The following EML4 variants were observed in gnomAD, a reference collection of about 807,000 sequenced individuals.
EML4 encodes the protein EMAP like 4, also known as echinoderm microtubule-associated protein-like 4.
EML4 carries 72 observed loss-of-function variants against 129.0 expected under a neutral mutation model. That is an observed-to-expected ratio of 0.56 (90% CI 0.46 to 0.68). The LOEUF is 0.68. Ranked by LOEUF, EML4 falls within the 30% of genes least tolerant of loss-of-function variation. The pLI is 0.00. For synonymous variants in EML4, 532 were observed against 405.0 expected (o/e 1.31, Z -3.77); for missense variants, 1,363 against 1,190.6 (o/e 1.14, Z -2.13).
intron 1 of EML4, among the ~76,000 whole-genome samples, chr2:42,237,330 C>T (rs1674741540): frequency 6.6e-6 from 1 of 152,170 alleles, no homozygotes; most frequent in Non-Finnish European, 1.5e-5. Flanking sequence ...GGAGACCAAA[C>T]ATCTGAATTC....
chr2:42,193,441 G>A (rs138492026), intron 1 of EML4, among the ~76,000 whole-genome samples: 128 of 152,316 alleles, frequency 8.4e-4, no homozygotes, highest in Non-Finnish European at 1.9e-4. Flanking sequence ...TTAGAATGGT[G>A]TCTGCTGTGT....
Position 42,245,599 on chromosome 2 carries a change from G to A in EML4, c.120G>A (p.Val40=). The change falls in exon 2 of 23, where the codon GTG becomes GTA. Residue 40 remains valine (V), a synonymous_variant. Transcript: ENST00000318522. ...RVQQQEDEIT[V]LKAALADVLR... Reference sequence around the variant, plus strand: ...AGCAACAAGAAGATGAAATCACTGTGCTAAAGGCGGCTTTGGCTGATGTTT... The same window carrying A: ...AGCAACAAGAAGATGAAATCACTGTACTAAAGGCGGCTTTGGCTGATGTTT... 1 of 1,613,832 alleles carries A rather than the reference G, an allele frequency of 6.2e-7. No homozygotes were observed. The highest frequency in any genetic ancestry group is 8.5e-7 in the Non-Finnish European group (1 of 1,179,846).
chr2:42,222,567 A>G (rs1256139003), intron 1 of EML4, among the ~76,000 whole-genome samples: 1 of 152,126 alleles, frequency 6.6e-6, no homozygotes, highest in African/African-American at 2.4e-5. Flanking sequence ...ACAAAGCCTA[A>G]AATGTTTACT....
chr2:42,213,106 C>A (rs565159377), intron 1 of EML4, among the ~76,000 whole-genome samples: 57 of 152,336 alleles, frequency 3.7e-4, no homozygotes, highest in African/African-American at 1.2e-3. Flanking sequence ...TAGAATCTTA[C>A]AGCTTTGCCC....
chr2:42,192,743 T>C (rs1487844377), intron 1 of EML4, among the ~76,000 whole-genome samples: 1 of 152,142 alleles, frequency 6.6e-6, no homozygotes, highest in African/African-American at 2.4e-5. Context: ...CCACTAGGAT[T>C]CAAAAACCCA....
chr2:42,266,450 T>C (rs1450974983), intron 6 of EML4, among the ~76,000 whole-genome samples: 3 of 152,160 alleles, frequency 2.0e-5, no homozygotes, highest in Admixed American at 2.0e-4. Context: ...GCTCAAGCAG[T>C]CCTCTCACTG....
chr2:42,278,248 G>A (rs1381574960), intron 6 of EML4, among the ~76,000 whole-genome samples: 1 of 152,030 alleles, frequency 6.6e-6, no homozygotes, highest in African/African-American at 2.4e-5. Flanking sequence ...TCGGGGTGGG[G>A]TTTTTTTGGT....
At chr2:42,240,065 A>G (rs1207595087) in intron 1 of EML4, among the ~76,000 whole-genome samples, 1 of 152,196 alleles carries the variant, frequency 6.6e-6, no homozygotes, top group Non-Finnish European at 1.5e-5. Flanking sequence ...CTTATTTATA[A>G]AATGATGAGA....
chr2:42,171,984 A>G (rs1558470539), intron 1 of EML4, among the ~76,000 whole-genome samples: 1 of 151,974 alleles, frequency 6.6e-6, no homozygotes, highest in Non-Finnish European at 1.5e-5. Flanking sequence ...TTAGAGTTAC[A>G]TTGATCTTTA....
chr2:42,213,537 C>G (rs570312475), intron 1 of EML4, among the ~76,000 whole-genome samples: 2 of 152,294 alleles, frequency 1.3e-5, no homozygotes, highest in South Asian at 4.1e-4. Context: ...TTTAAAAATA[C>G]TTAATGATTG....
intron 1 of EML4, among the ~76,000 whole-genome samples, chr2:42,205,382 C>T (rs1277603311): frequency 6.6e-6 from 1 of 152,190 alleles, no homozygotes; most frequent in African/African-American, 2.4e-5. Flanking sequence ...CAAAAGTTGA[C>T]ATTTTTATAT....
intron 13 of EML4, among the ~76,000 whole-genome samples, chr2:42,297,427 T>A (rs1015780467): frequency 2.0e-5 from 3 of 152,172 alleles, no homozygotes; most frequent in African/African-American, 7.2e-5. Context: ...TTTATTTTGG[T>A]CTTTGAAAAA....
chr2:42,233,220 A>T (rs1322157960), intron 1 of EML4, among the ~76,000 whole-genome samples: 1 of 151,490 alleles, frequency 6.6e-6, no homozygotes, highest in Non-Finnish European at 1.5e-5. Flanking sequence ...TTAATGTTTT[A>T]TTTTGAGTTG....
intron 6 of EML4, among the ~76,000 whole-genome samples, chr2:42,267,205 A>G (rs1361126964): frequency 2.0e-5 from 3 of 152,220 alleles, no homozygotes; most frequent in Non-Finnish European, 4.4e-5. Flanking sequence ...TACCTGACAT[A>G]TAATACCAGG....
intron 1 of EML4, among the ~76,000 whole-genome samples, chr2:42,241,132 G>C (rs1675004054): frequency 6.6e-6 from 1 of 151,966 alleles, no homozygotes; most frequent in Non-Finnish European, 1.5e-5. Context: ...ACTCCAGCCT[G>C]GTCGACAGAG....
chr2:42,239,678 A>G (rs369820703), intron 1 of EML4, among the ~76,000 whole-genome samples: 11 of 151,634 alleles, frequency 7.3e-5, no homozygotes, highest in Admixed American at 5.9e-4. Flanking sequence ...AAGGGGCAAC[A>G]ATTTTTAAAA....
At chr2:42,323,715 C>T (rs1325842021) in intron 19 of EML4, among the ~76,000 whole-genome samples, 8 of 150,724 alleles carry the variant, frequency 5.3e-5, no homozygotes, top group African/African-American at 2.0e-4. Flanking sequence ...AAGTGGATAA[C>T]TTCAGGTCAG....
At chr2:42,273,050 C>G (rs1666460107) in intron 6 of EML4, among the ~76,000 whole-genome samples, 1 of 152,042 alleles carries the variant, frequency 6.6e-6, no homozygotes, top group Non-Finnish European at 1.5e-5. Context: ...AAAGCAGAGC[C>G]AGGGTGTTAA....
At chr2:42,171,020 C>G (rs1005873136) in intron 1 of EML4, among the ~76,000 whole-genome samples, 2 of 152,122 alleles carry the variant, frequency 1.3e-5, no homozygotes, top group African/African-American at 4.8e-5. Context: ...AGTGGAAATC[C>G]TAAAATAGGA....
Sources: gnomAD v4.1 joint callset for allele counts (sites outside exome capture counted in the v4.1 genomes callset) on GRCh38, gnomAD v4.1.1 for gene constraint, MANE v1.5 for transcripts, NCBI Gene and HGNC (gene_info 2026-07-23, HGNC 2026-07-21) for gene names.